Variants in SLC9A9 observed in about 807,000 individuals in gnomAD.
The protein encoded by SLC9A9 is sodium/hydrogen exchanger 9.
SLC9A9 carries 62 observed loss-of-function variants against 77.8 expected under a neutral mutation model. That is an observed-to-expected ratio of 0.80 (90% CI 0.65 to 0.98). The LOEUF (loss-of-function observed/expected upper bound fraction) is 0.98. Ranked by LOEUF, SLC9A9 falls within the 50% of genes least tolerant of loss-of-function variation. The pLI, the probability that SLC9A9 is intolerant of heterozygous loss-of-function variation, is 0.00. For synonymous variants in SLC9A9, 320 were observed against 283.5 expected (o/e 1.13, Z -1.29); for missense variants, 775 against 774.9 (o/e 1.00, Z 0.00).
chr3:143,375,740 C>T (rs1373202282), intron 13 of SLC9A9, among the ~76,000 whole-genome samples: 1 of 152,192 alleles, frequency 6.6e-6, no homozygotes, highest in African/African-American at 2.4e-5. Flanking sequence ...ACCCCACAGA[C>T]TTGTGAGATA....
chr3:143,696,445 A>C (rs1933643645), intron 4 of SLC9A9, among the ~76,000 whole-genome samples: 1 of 152,220 alleles, frequency 6.6e-6, no homozygotes, highest in South Asian at 2.1e-4. Flanking sequence ...GATAGACAGC[A>C]ATAAGACACA....
intron 14 of SLC9A9, among the ~76,000 whole-genome samples, chr3:143,295,705 CTCTTGTAGGTCATTTCTCCCT>C (rs2030235990): frequency 1.3e-5 from 2 of 152,178 alleles, no homozygotes; most frequent in South Asian, 4.1e-4. Context: ...CACCTACACC[CTCTTGTAGGTCATTTCTCCCT>C]TCTTTCCTTC....
At chr3:143,292,083 A>G (rs946992869) in intron 14 of SLC9A9, among the ~76,000 whole-genome samples, 3 of 152,194 alleles carry the variant, frequency 2.0e-5, no homozygotes, top group Admixed American at 2.0e-4. Flanking sequence ...AGTGGCCATG[A>G]GCCAGGAGCT....
chr3:143,468,678 C>T lies in SLC9A9; in HGVS notation c.1316-1488G>A, dbSNP rs905477120. ...GTGTCAGACAACAAAGAAAACTAAG[C>T]TTATGGACCACTGAAAATTAAATAA... is the stretch of plus-strand genomic sequence containing the variant. On this transcript the variant is annotated intron_variant, in intron 11 of 15. Coordinates refer to ENST00000316549, the MANE Select transcript of SLC9A9 (RefSeq NM_173653.4). Among the ~76,000 whole-genome samples, 3 of 152,274 alleles carry T rather than the reference C, an allele frequency of 2.0e-5. No individual in the cohort carries two copies. In the South Asian group the frequency reaches 6.2e-4, roughly 32 times the overall value.
intron 4 of SLC9A9, among the ~76,000 whole-genome samples, chr3:143,780,877 T>C (rs2007851038): frequency 6.6e-6 from 1 of 152,158 alleles, no homozygotes; most frequent in Non-Finnish European, 1.5e-5. Flanking sequence ...AAGAAAGAAA[T>C]TGTGTACAAA....
chr3:143,554,966 A>T (rs898052131), intron 8 of SLC9A9, among the ~76,000 whole-genome samples: 10 of 151,994 alleles, frequency 6.6e-5, no homozygotes, highest in Non-Finnish European at 1.2e-4. Context: ...CCTGTACTAT[A>T]TCTTGCTACT....
intron 5 of SLC9A9, among the ~76,000 whole-genome samples, chr3:143,663,756 A>C (rs1180047634): frequency 6.6e-6 from 1 of 152,152 alleles, no homozygotes; most frequent in Non-Finnish European, 1.5e-5. Flanking sequence ...GTGAGAAGAG[A>C]AGTTTAGAGA....
chr3:143,776,543 T>C (rs1046716093), intron 4 of SLC9A9, among the ~76,000 whole-genome samples: 16 of 152,206 alleles, frequency 1.1e-4, no homozygotes, highest in African/African-American at 3.6e-4. Flanking sequence ...TCCTCCTTTT[T>C]TTGAAAGTGA....
chr3:143,361,794 G>T (rs185257282), intron 14 of SLC9A9, among the ~76,000 whole-genome samples: 1 of 152,274 alleles, frequency 6.6e-6, no homozygotes, highest in Admixed American at 6.5e-5. Flanking sequence ...TGAATTTAGT[G>T]TCACTGCCTT....
intron 14 of SLC9A9, among the ~76,000 whole-genome samples, chr3:143,290,946 GC>G (rs2029926726): frequency 6.6e-6 from 1 of 152,174 alleles, no homozygotes; most frequent in African/African-American, 2.4e-5. Flanking sequence ...GCAGGGCCAT[GC>G]TTTATCTCTT....
intron 4 of SLC9A9, among the ~76,000 whole-genome samples, chr3:143,715,478 C>A (rs1023289637): frequency 1.3e-5 from 2 of 152,216 alleles, no homozygotes; most frequent in Non-Finnish European, 2.9e-5. Context: ...AGAATACGAT[C>A]TCCTTATTAA....
chr3:143,684,738 T>C (rs1040050012), intron 5 of SLC9A9, among the ~76,000 whole-genome samples: 8 of 152,122 alleles, frequency 5.3e-5, no homozygotes, highest in Admixed American at 6.6e-5. Context: ...AAATGGCACA[T>C]ATATGATATT....
At chr3:143,624,176 T>C (rs1377909262) in intron 6 of SLC9A9, among the ~76,000 whole-genome samples, 1 of 152,238 alleles carries the variant, frequency 6.6e-6, no homozygotes, top group Non-Finnish European at 1.5e-5. Context: ...AGCCAAATTC[T>C]ACCAGAGGTA....
intron 6 of SLC9A9, among the ~76,000 whole-genome samples, chr3:143,635,964 T>G (rs1184720561): frequency 6.6e-6 from 1 of 152,220 alleles, no homozygotes; most frequent in East Asian, 1.9e-4. Context: ...TTAGTTTGTT[T>G]TCAGGGAGTC....
chr3:143,456,690 G>A (rs1486364627), intron 12 of SLC9A9, among the ~76,000 whole-genome samples: 3 of 151,358 alleles, frequency 2.0e-5, no homozygotes, highest in Non-Finnish European at 4.4e-5. Context: ...TCAGCCTCCC[G>A]AGTAGCTGAG....
intron 11 of SLC9A9, among the ~76,000 whole-genome samples, chr3:143,472,687 C>T (rs183042035): frequency 5.2e-4 from 79 of 152,294 alleles, no homozygotes; most frequent in African/African-American, 1.9e-3. Flanking sequence ...CAATACTAAG[C>T]ACACAGTAGG....
chr3:143,676,283 T>C (rs1206092570), intron 5 of SLC9A9, among the ~76,000 whole-genome samples: 1 of 152,142 alleles, frequency 6.6e-6, no homozygotes, highest in Non-Finnish European at 1.5e-5. Context: ...ACACCTGACC[T>C]AGTATATGTC....
chr3:143,452,656 A>T (rs989669864), intron 12 of SLC9A9, among the ~76,000 whole-genome samples: 4 of 152,144 alleles, frequency 2.6e-5, no homozygotes, highest in Non-Finnish European at 5.9e-5. Context: ...AGGTACAATA[A>T]CTGTACTTTG....
At chr3:143,300,921 C>T (rs1034655690) in intron 14 of SLC9A9, among the ~76,000 whole-genome samples, 1 of 152,154 alleles carries the variant, frequency 6.6e-6, no homozygotes, top group Non-Finnish European at 1.5e-5. Flanking sequence ...TGAACTATGG[C>T]CAAAATAAGA....
Sources: allele counts gnomAD v4.1 joint callset (sites outside exome capture counted in the v4.1 genomes callset), GRCh38; gene constraint gnomAD v4.1.1; transcripts MANE v1.5; gene names NCBI Gene and HGNC (gene_info 2026-07-23, HGNC 2026-07-21).